The following PFDN1 variants were observed in gnomAD, a reference collection of about 807,000 sequenced individuals.
The protein encoded by PFDN1 is prefoldin 1.
PFDN1 carries 6 observed loss-of-function variants against 17.3 expected under a neutral mutation model. That is an observed-to-expected ratio of 0.35 (90% CI 0.19 to 0.69). PFDN1 has a LOEUF of 0.69. PFDN1 is among the 30% of genes least tolerant of loss of function. PFDN1 has a pLI of 0.65. For synonymous variants in PFDN1, 58 were observed against 50.1 expected (o/e 1.16, Z -0.67); for missense variants, 113 against 146.2 (o/e 0.77, Z 1.17).
At chr5:140,290,683 G>C (rs1581097574) in intron 2 of PFDN1, among the ~76,000 whole-genome samples, 1 of 152,228 alleles carries the variant, frequency 6.6e-6, no homozygotes, top group African/African-American at 2.4e-5. Flanking sequence ...TCAGTTGAAA[G>C]AAGCAAGAAA....
intron 3 of PFDN1, among the ~76,000 whole-genome samples, chr5:140,260,029 C>T (rs2126681348): frequency 6.6e-6 from 1 of 151,970 alleles, no homozygotes; most frequent in Non-Finnish European, 1.5e-5. Context: ...TAGACTATAC[C>T]AACTAGGATG....
At chr5:140,255,667 A>C (rs1445047135) in intron 3 of PFDN1, among the ~76,000 whole-genome samples, 2 of 152,020 alleles carry the variant, frequency 1.3e-5, no homozygotes, top group Admixed American at 1.3e-4. Context: ...ACACACACAC[A>C]ACCCTTCCAC....
At chr5:140,280,099 A>G (rs1292671564) in intron 3 of PFDN1, among the ~76,000 whole-genome samples, 1 of 151,944 alleles carries the variant, frequency 6.6e-6, no homozygotes, top group Non-Finnish European at 1.5e-5. Context: ...TAGGGTAAAC[A>G]GTATTAACAA....
At position 140,299,265 on chromosome 5, in the gene PFDN1, C is replaced by CT. The variant is rs575652812; in HGVS notation, c.200+1150dup. On this transcript the variant is annotated intron_variant, in intron 2 of 3. Coordinates refer to ENST00000261813, the MANE Select transcript of PFDN1 (RefSeq NM_002622.5). ...AATCATTTTTATTACTGAACTTACA[C>CT]TTAAGTACCTAATCATAGACAGAAC... Among the ~76,000 whole-genome samples, 64 of 152,212 alleles carry CT rather than the reference C, an allele frequency of 4.2e-4. 1 individual carries two copies. In the East Asian group the frequency reaches 0.011, roughly 27 times the overall value.
intron 3 of PFDN1, among the ~76,000 whole-genome samples, chr5:140,275,322 T>C (rs1393895061): frequency 2.0e-5 from 3 of 149,234 alleles, no homozygotes; most frequent in Non-Finnish European, 3.0e-5. Context: ...AGCAGGAGAA[T>C]GGTGTGAACC....
intron 2 of PFDN1, among the ~76,000 whole-genome samples, chr5:140,295,120 CAAGCAAA>C (rs1765633998): frequency 6.6e-6 from 1 of 151,750 alleles, no homozygotes; most frequent in Non-Finnish European, 1.5e-5. Flanking sequence ...ATGTAATGCT[CAAGCAAA>C]AAGGGTGTTC....
intron 2 of PFDN1, chr5:140,293,106 C>T (rs1765602671): frequency 6.6e-6 from 1 of 152,038 alleles, no homozygotes; most frequent in South Asian, 2.1e-4. Flanking sequence ...CTAATTAAGT[C>T]AGTTACAGCA....
chr5:140,273,827 T>C (rs200833737), intron 3 of PFDN1: 11 of 800,100 alleles, frequency 1.4e-5, no homozygotes, highest in Non-Finnish European at 1.5e-5. Flanking sequence ...GGTAACCATG[T>C]TGGAGACAGA....
chr5:140,277,094 T>C (rs938570760), intron 3 of PFDN1, among the ~76,000 whole-genome samples: 1 of 151,960 alleles, frequency 6.6e-6, no homozygotes, highest in Non-Finnish European at 1.5e-5. Flanking sequence ...TAGTGGCACA[T>C]GCCTGTAGTC....
intron 2 of PFDN1, among the ~76,000 whole-genome samples, chr5:140,295,063 T>TA (rs939956474): frequency 6.6e-6 from 1 of 151,082 alleles, no homozygotes; most frequent in African/African-American, 2.4e-5. Context: ...TTCCTCATAT[T>TA]AAAAAAAAAG....
At position 140,245,222 on chromosome 5, in the gene PFDN1, ACCG is replaced by A; in HGVS notation, c.*749_*751del. 2.6e-6 allele frequency: 1 copy of A among 391,024 alleles called. No individual in the cohort carries two copies. Among genetic ancestry groups the A allele is most frequent in the Non-Finnish European group, 4.6e-6 (1 of 217,990 alleles). 24.2% of individuals were successfully genotyped at this position (391,024 alleles called of 1,614,324 possible). On this transcript the variant is annotated 3_prime_UTR_variant, in exon 4 of 4. Coordinates refer to ENST00000261813, the MANE Select transcript of PFDN1 (RefSeq NM_002622.5). ...GGCTGGGATGAGCCAGCTGGATCAC[ACCG>A]TTGCCCCCTCAGCCTCTAGGAGGCC...
chr5:140,290,087 T>C (rs936891883), intron 2 of PFDN1, among the ~76,000 whole-genome samples: 5 of 152,196 alleles, frequency 3.3e-5, no homozygotes, highest in African/African-American at 7.2e-5. Flanking sequence ...GCAGACATTA[T>C]TGTTTATCCC....
chr5:140,292,210 A>G lies in PFDN1; in HGVS notation c.200+8206T>C, dbSNP rs371981662. ...CCACGTATAGGCAGTGAGTTATTCC[A>G]TAACTTTTTCCAAGATATGATCTTT... is the stretch of plus-strand genomic sequence containing the variant. On this transcript the variant is annotated intron_variant, in intron 2 of 3. Coordinates refer to ENST00000261813, the MANE Select transcript of PFDN1 (RefSeq NM_002622.5). Among the ~76,000 whole-genome samples the G allele has an allele frequency of 3.7e-4, 57 of 152,292 alleles. 2 individuals carry two copies. In the South Asian group the frequency reaches 0.011, roughly 29 times the overall value.
chr5:140,286,614 GGGGGGGC>G, intron 2 of PFDN1, among the ~76,000 whole-genome samples: 1 of 51,336 alleles, frequency 1.9e-5, no homozygotes, highest in Non-Finnish European at 4.6e-5. Flanking sequence ...GGGGGGGGGG[GGGGGGGC>G]GGGGGAGACA....
chr5:140,276,883 A>G (rs1445898952), intron 3 of PFDN1, among the ~76,000 whole-genome samples: 1 of 151,968 alleles, frequency 6.6e-6, no homozygotes, highest in African/African-American at 2.4e-5. Context: ...AGAGAAATAA[A>G]CAGAAATCAT....
Position 140,247,285 on chromosome 5 carries a change from G to A in PFDN1, c.286-1228C>T, listed in dbSNP as rs1006318535. Among the ~76,000 whole-genome samples the A allele has an allele frequency of 8.6e-5, 13 of 151,758 alleles. No homozygotes were observed. The East Asian group carries it at 1.7e-3, about 20-fold the overall frequency. On this transcript the variant is annotated intron_variant, in intron 3 of 3. Coordinates refer to ENST00000261813, the MANE Select transcript of PFDN1 (RefSeq NM_002622.5). ...ACTATAGATGTGTACCACCATGCCC[G>A]GCTAATTTTTTTTTTTTTTTTGTAG...
intron 3 of PFDN1, among the ~76,000 whole-genome samples, chr5:140,270,749 C>A (rs1265247364): frequency 6.6e-6 from 1 of 152,030 alleles, no homozygotes; most frequent in Non-Finnish European, 1.5e-5. Context: ...CATGGTGAAA[C>A]CCTGTCTCTT....
At chr5:140,288,071 A>C (rs1338309500) in intron 2 of PFDN1, among the ~76,000 whole-genome samples, 1 of 152,254 alleles carries the variant, frequency 6.6e-6, no homozygotes, top group Non-Finnish European at 1.5e-5. Context: ...AATGCAGTCC[A>C]TTATCCAAAT....
intron 3 of PFDN1, among the ~76,000 whole-genome samples, chr5:140,278,760 G>C (rs1000299545): frequency 7.9e-5 from 12 of 152,056 alleles, no homozygotes; most frequent in African/African-American, 2.9e-4. Context: ...AAATGAATAA[G>C]CAGATGATAA....
Sources: allele counts gnomAD v4.1 joint callset (sites outside exome capture counted in the v4.1 genomes callset), GRCh38; gene constraint gnomAD v4.1.1; transcripts MANE v1.5; gene names NCBI Gene and HGNC (gene_info 2026-07-23, HGNC 2026-07-21).